SPAG16: variants seen among roughly 807,000 people sequenced by gnomAD.
SPAG16 encodes the protein sperm associated antigen 16.
Under a neutral mutation model 80.4 loss-of-function variants are expected in SPAG16, and 86 were observed. The ratio of observed to expected loss-of-function variants is 1.07; its 90% CI spans 0.90 to 1.28. The LOEUF (loss-of-function observed/expected upper bound fraction) is 1.28, where lower values mean the gene tolerates loss of function less well. Among genes scored for constraint, SPAG16 ranks in the 50% most tolerant of loss-of-function variants. The probability of loss-of-function intolerance (pLI) is 0.00; values close to 1 mark genes in which losing one functional copy is unlikely to be tolerated. For missense variants in SPAG16, 870 were observed against 765.3 expected (o/e 1.14, Z -1.61); for synonymous variants, 294 against 265.9 (o/e 1.11, Z -1.03).
Position 213,349,582 on chromosome 2 carries a change from A to G in SPAG16, c.645-946A>G, listed in dbSNP as rs1012598173. Among the ~76,000 whole-genome samples, 4 of 152,314 alleles carry G rather than the reference A, an allele frequency of 2.6e-5. No homozygotes were observed. The East Asian group carries it at 7.7e-4, about 29-fold the overall frequency. ...GAAGATATATGACCAAAAATATTAC[A>G]TGACTTATATAAAAATGTTTAAAGA... On this transcript the variant is annotated intron_variant, in intron 6 of 15. Transcript: ENST00000331683.
intron 10 of SPAG16, among the ~76,000 whole-genome samples, chr2:213,710,296 AAAG>A (rs2065927989): frequency 6.6e-6 from 1 of 152,108 alleles, no homozygotes. Flanking sequence ...AAAAAAAAAA[AAAG>A]AAGTTATAGG....
At chr2:213,708,290 A>G (rs1222115932) in intron 10 of SPAG16, among the ~76,000 whole-genome samples, 2 of 152,248 alleles carry the variant, frequency 1.3e-5, no homozygotes, top group Non-Finnish European at 2.9e-5. Context: ...GCCACCTAAA[A>G]TAACCAGATC....
chr2:213,603,575 T>C (rs2061143249), intron 10 of SPAG16, among the ~76,000 whole-genome samples: 1 of 152,252 alleles, frequency 6.6e-6, no homozygotes, highest in South Asian at 2.1e-4. Flanking sequence ...CTTTTTACAC[T>C]TAGATCTTAT....
intron 9 of SPAG16, among the ~76,000 whole-genome samples, chr2:213,460,326 C>A (rs1409123610): frequency 6.6e-6 from 1 of 152,168 alleles, no homozygotes; most frequent in African/African-American, 2.4e-5. Context: ...ACTGTGAACC[C>A]CTTGAGCTTG....
intron 15 of SPAG16, among the ~76,000 whole-genome samples, chr2:214,156,266 A>T (rs1252627633): frequency 6.6e-6 from 1 of 152,166 alleles, no homozygotes; most frequent in Admixed American, 6.6e-5. Flanking sequence ...TGGGAGCTAG[A>T]ACTCCAACCT....
At chr2:213,549,848 A>T (rs1363308164) in intron 10 of SPAG16, among the ~76,000 whole-genome samples, 1 of 152,192 alleles carries the variant, frequency 6.6e-6, no homozygotes, top group Admixed American at 6.5e-5. Context: ...CATTTTATTT[A>T]TAGTAAGGTT....
At chr2:213,471,925 A>G (rs1245391819) in intron 9 of SPAG16, among the ~76,000 whole-genome samples, 1 of 152,250 alleles carries the variant, frequency 6.6e-6, no homozygotes, top group Non-Finnish European at 1.5e-5. Flanking sequence ...AAGATCCCAC[A>G]CAACTGGACC....
At chr2:213,705,257 A>C (rs1016761223) in intron 10 of SPAG16, among the ~76,000 whole-genome samples, 11 of 133,380 alleles carry the variant, frequency 8.2e-5, no homozygotes, top group African/African-American at 4.4e-4. Flanking sequence ...CAAAAATAAG[A>C]AAGAAAGAGA....
At chr2:213,508,290 C>T (rs1311632717) in intron 10 of SPAG16, among the ~76,000 whole-genome samples, 15 of 152,118 alleles carry the variant, frequency 9.9e-5, no homozygotes, top group Admixed American at 8.5e-4. Context: ...ATGATGAGTT[C>T]GGCTGGGCGC....
chr2:214,100,204 G>A (rs1028489026), intron 13 of SPAG16, among the ~76,000 whole-genome samples: 2 of 151,920 alleles, frequency 1.3e-5, no homozygotes, highest in Admixed American at 6.6e-5. Context: ...CTTCTGCCAT[G>A]ATTGTAAGTT....
intron 15 of SPAG16, among the ~76,000 whole-genome samples, chr2:214,303,616 A>G (rs1476281655): frequency 6.6e-6 from 1 of 152,172 alleles, no homozygotes; most frequent in Non-Finnish European, 1.5e-5. Context: ...TTCAACTTGT[A>G]TAGTATCTTC....
intron 9 of SPAG16, among the ~76,000 whole-genome samples, chr2:213,459,089 T>C (rs1018418936): frequency 3.3e-5 from 5 of 152,162 alleles, no homozygotes; most frequent in Admixed American, 6.5e-5. Context: ...CTTTGTACCT[T>C]ATATTCTTTT....
At position 213,535,864 on chromosome 2, in the gene SPAG16, G is replaced by A. The variant is rs114149249; in HGVS notation, c.1070+45774G>A. On this transcript the variant is annotated intron_variant, in intron 10 of 15. Transcript: ENST00000331683. ...TCTACTTGTATGTAATAAATGTCATGTGGATAGTTGAACATATTTTACAGG... is the reference window on the plus strand; with the variant it reads ...TCTACTTGTATGTAATAAATGTCATATGGATAGTTGAACATATTTTACAGG... 2.1e-3 allele frequency among the ~76,000 whole-genome samples: 323 copies of A among 152,202 alleles called. 2 individuals are homozygous for A. Among genetic ancestry groups the A allele is most frequent in the African/African-American group, 7.1e-3 (297 of 41,548 alleles).
chr2:213,469,633 T>C (rs2072959271), intron 9 of SPAG16, among the ~76,000 whole-genome samples: 1 of 136,842 alleles, frequency 7.3e-6, no homozygotes, highest in African/African-American at 2.7e-5. Flanking sequence ...TCCTGAAGGG[T>C]CTGGGTCATT....
chr2:213,659,502 T>C (rs1297247146), intron 10 of SPAG16, among the ~76,000 whole-genome samples: 2 of 152,174 alleles, frequency 1.3e-5, no homozygotes, highest in Non-Finnish European at 2.9e-5. Context: ...ATAGCATTTT[T>C]AAAGTGTCCC....
chr2:213,800,022 T>C (rs2071284257), intron 10 of SPAG16, among the ~76,000 whole-genome samples: 1 of 152,034 alleles, frequency 6.6e-6, no homozygotes, highest in African/African-American at 2.4e-5. Context: ...TACTGTCTTT[T>C]AAAAGTTCTT....
chr2:214,094,067 G>T (rs1172873705), intron 13 of SPAG16, among the ~76,000 whole-genome samples: 1 of 152,066 alleles, frequency 6.6e-6, no homozygotes, highest in Non-Finnish European at 1.5e-5. Context: ...TAGTGTGTCA[G>T]AGTTGGTTCA....
intron 10 of SPAG16, among the ~76,000 whole-genome samples, chr2:213,779,200 C>A (rs902412063): frequency 1.3e-5 from 2 of 152,122 alleles, no homozygotes; most frequent in Admixed American, 1.3e-4. Flanking sequence ...ATACCTCCAA[C>A]TTCTTTTTTT....
At chr2:213,369,784 T>G (rs1425473577) in intron 8 of SPAG16, among the ~76,000 whole-genome samples, 2 of 152,094 alleles carry the variant, frequency 1.3e-5, no homozygotes, top group African/African-American at 2.4e-5. Context: ...TACAGTGATT[T>G]TCCATATACC....
Sources: allele counts gnomAD v4.1 joint callset (sites outside exome capture counted in the v4.1 genomes callset), GRCh38; gene constraint gnomAD v4.1.1; transcripts MANE v1.5; gene names NCBI Gene and HGNC (gene_info 2026-07-23, HGNC 2026-07-21).